SLCO2A1: variants seen among roughly 807,000 people sequenced by gnomAD.
The protein encoded by SLCO2A1 is matrin F/G 1.
In SLCO2A1, 60 loss-of-function variants were observed where a neutral mutation model predicts 71.7. That is an observed-to-expected ratio of 0.84 (90% confidence interval 0.68 to 1.04). SLCO2A1 has a LOEUF of 1.04. SLCO2A1 is among the 50% of genes least tolerant of loss of function. The pLI is 0.00. For synonymous variants in SLCO2A1, 308 were observed against 326.7 expected (o/e 0.94, Z 0.62); for missense variants, 745 against 813.4 (o/e 0.92, Z 1.02).
chr3:133,969,628 T>C (rs1406972388), intron 3 of SLCO2A1, among the ~76,000 whole-genome samples: 1 of 152,040 alleles, frequency 6.6e-6, no homozygotes, highest in Non-Finnish European at 1.5e-5. Flanking sequence ...TCAAGCAATC[T>C]TCCTGCCTCA....
chr3:133,994,920 T>C (rs1297933919), intron 1 of SLCO2A1, among the ~76,000 whole-genome samples: 3 of 152,190 alleles, frequency 2.0e-5, no homozygotes, highest in Admixed American at 6.5e-5. Flanking sequence ...CCAACTATCA[T>C]GACTTCCTAC....
intron 2 of SLCO2A1, 50 bp from the exon 3 acceptor site, chr3:133,973,875 C>T (rs184829197): frequency 4.7e-5 from 73 of 1,553,686 alleles, no homozygotes; most frequent in Admixed American, 4.0e-4. Flanking sequence ...CTGTCCTCAC[C>T]CACCCACAGA....
rs779088730 is a variant in SLCO2A1 at position 133,934,758 on chromosome 3, C to T, written c.1887G>A (p.Lys629=). 1.2e-6 allele frequency: 2 copies of T among 1,613,550 alleles called. No individual in the cohort carries two copies. Among genetic ancestry groups the T allele is most frequent in the African/African-American group, 1.3e-5 (1 of 75,030 alleles). ...LLLCFISWRV[K]KNKEYNVQKA... ...TCTGCACGTTGTACTCCTTGTTCTT[C>T]TTCACCCTCCAGCTGATGAAGCAAA... Residue 629 remains lysine (K), a synonymous_variant, in exon 14 of 14, where the codon AAG becomes AAA. Transcript: ENST00000310926.
At chr3:133,958,204 G>C (rs958650713) in intron 3 of SLCO2A1, among the ~76,000 whole-genome samples, 4 of 152,198 alleles carry the variant, frequency 2.6e-5, no homozygotes, top group Non-Finnish European at 4.4e-5. Flanking sequence ...GAGTGGGCAA[G>C]GCTAACAGAT....
intron 3 of SLCO2A1, among the ~76,000 whole-genome samples, chr3:133,969,264 T>C (rs988889617): frequency 6.6e-6 from 1 of 152,164 alleles, no homozygotes; most frequent in Non-Finnish European, 1.5e-5. Flanking sequence ...ACCCCGTAGC[T>C]ACTAAAATAC....
rs1336071083 is a variant in SLCO2A1, at chr3:133,954,990, G to A, written c.601C>T (p.Pro201Ser). 4 of 1,614,096 alleles carry A rather than the reference G, an allele frequency of 2.5e-6. No individual in the cohort carries two copies. The highest frequency in any genetic ancestry group is 3.4e-6 in the Non-Finnish European group (4 of 1,180,002). The change falls in exon 4 of 14, where the codon CCC becomes TCC. Residue 201 changes from proline (P) to serine (S), a missense_variant. Physicochemically the swap from Pro to Ser is moderately conservative, Grantham distance 74. Transcript: ENST00000310926. Reference protein sequence around the residue: ...GISYVDDFSEPSNSPLYISIL... With the variant: ...GISYVDDFSESSNSPLYISIL... Reference sequence around the variant, plus strand: ...CAGATGTACAGGGGCGAGTTGCTGGGCTCTGAGAAGTCATCCACATAGGAG... The same window carrying A: ...CAGATGTACAGGGGCGAGTTGCTGGACTCTGAGAAGTCATCCACATAGGAG...
chr3:133,980,912 C>T (rs1028362275), intron 1 of SLCO2A1, among the ~76,000 whole-genome samples: 1 of 152,238 alleles, frequency 6.6e-6, no homozygotes, highest in Non-Finnish European at 1.5e-5. Flanking sequence ...TGTGGCCACC[C>T]CACTCCTCCC....
intron 13 of SLCO2A1, 130 bp downstream of exon 13, chr3:133,935,644 G>A (rs56078520): frequency 0.16 from 171,198 of 1,075,746 alleles, 14,856 homozygotes; most frequent in Non-Finnish European, 0.18. Context: ...TGGCAGGGCC[G>A]CAGAGGTGGC....
chr3:133,960,545 G>A (rs1934011990), intron 3 of SLCO2A1, among the ~76,000 whole-genome samples: 1 of 152,158 alleles, frequency 6.6e-6, no homozygotes, highest in African/African-American at 2.4e-5. Context: ...GCCAGGGACT[G>A]GGGGAGATGG....
chr3:134,021,958 A>G lies in SLCO2A1; in HGVS notation c.96+7749T>C, dbSNP rs561007736. On this transcript the variant is annotated intron_variant, in intron 1 of 13. Transcript: ENST00000310926. ...CCCGCAGATGGCCCAAATGCATTCAATCTGTAGCTGCAACTGCTTTGCTAA... is the reference window on the plus strand; with the variant it reads ...CCCGCAGATGGCCCAAATGCATTCAGTCTGTAGCTGCAACTGCTTTGCTAA... Among the ~76,000 whole-genome samples the G allele has an allele frequency of 6.6e-5, 10 of 150,762 alleles. No homozygotes were observed. In the East Asian group the frequency reaches 1.8e-3, roughly 27 times the overall value.
chr3:134,004,329 T>C (rs1201088583), intron 1 of SLCO2A1, among the ~76,000 whole-genome samples: 1 of 151,904 alleles, frequency 6.6e-6, no homozygotes, highest in African/African-American at 2.4e-5. Context: ...ATCACAAGAG[T>C]TTTTTTTGTT....
At chr3:134,029,180 G>A (rs1576466554) in intron 1 of SLCO2A1, among the ~76,000 whole-genome samples, 3 of 152,070 alleles carry the variant, frequency 2.0e-5, no homozygotes, top group Admixed American at 2.0e-4. Context: ...CCCCGTTGGC[G>A]GGAGAAGAAA....
intron 1 of SLCO2A1, among the ~76,000 whole-genome samples, chr3:133,994,680 A>G (rs1934927201): frequency 6.6e-6 from 1 of 152,210 alleles, no homozygotes; most frequent in African/African-American, 2.4e-5. Context: ...TGGGCTTCAC[A>G]CTGAAGTCTG....
At chr3:133,973,055 G>C (rs1360642274) in intron 3 of SLCO2A1, among the ~76,000 whole-genome samples, 1 of 152,124 alleles carries the variant, frequency 6.6e-6, no homozygotes, top group East Asian at 1.9e-4. Flanking sequence ...CAAAAATATG[G>C]GTCAACCATA....
intron 1 of SLCO2A1, 51 bp from the exon 2 acceptor site, chr3:133,979,669 G>A (rs771259636): frequency 1.3e-5 from 20 of 1,544,048 alleles, no homozygotes; most frequent in African/African-American, 4.1e-5. Flanking sequence ...AAGCCCTGGC[G>A]CCCTCCCAGC....
intron 1 of SLCO2A1, among the ~76,000 whole-genome samples, chr3:134,019,576 T>C (rs1360766403): frequency 6.6e-6 from 1 of 152,202 alleles, no homozygotes; most frequent in East Asian, 1.9e-4. Context: ...CTTTTTCCTA[T>C]GCCTCATTCC....
intron 1 of SLCO2A1, among the ~76,000 whole-genome samples, 184 bp downstream of exon 1, chr3:134,029,523 C>G (rs964721974): frequency 7.0e-6 from 1 of 143,064 alleles, no homozygotes; most frequent in African/African-American, 2.7e-5. Flanking sequence ...CACACACACA[C>G]GCTCACACAC....
At chr3:133,942,089 G>A (rs1170194876) in intron 11 of SLCO2A1, among the ~76,000 whole-genome samples, 1 of 152,230 alleles carries the variant, frequency 6.6e-6, no homozygotes, top group East Asian at 1.9e-4. Flanking sequence ...CGCCTCCTGG[G>A]TTCAAGTGAT....
chr3:133,998,663 C>T (rs778475189), intron 1 of SLCO2A1: 1 of 152,284 alleles, frequency 6.6e-6, no homozygotes, highest in Non-Finnish European at 1.5e-5. Flanking sequence ...CCTCTCCTTC[C>T]TCTCGAAGCT....
Sources: gnomAD v4.1 joint callset for allele counts (sites outside exome capture counted in the v4.1 genomes callset) on GRCh38, gnomAD v4.1.1 for gene constraint, MANE v1.5 for transcripts, NCBI Gene and HGNC (gene_info 2026-07-23, HGNC 2026-07-21) for gene names.